Variants in MAPK10 observed in about 807,000 individuals in gnomAD.
MAPK10 encodes the protein mitogen-activated protein kinase 10.
In MAPK10, 25 loss-of-function variants were observed where a neutral mutation model predicts 59.3. The ratio of observed to expected loss-of-function variants is 0.42; its 90% CI spans 0.31 to 0.59. The LOEUF is 0.59. MAPK10 is among the 20% of genes least tolerant of loss of function. MAPK10 has a pLI of 0.15. For synonymous variants in MAPK10, 190 were observed against 200.5 expected (o/e 0.95, Z 0.44); for missense variants, 351 against 568.9 (o/e 0.62, Z 3.90).
intron 2 of MAPK10, among the ~76,000 whole-genome samples, chr4:86,249,334 T>G (rs1055605286): frequency 6.6e-6 from 1 of 152,204 alleles, no homozygotes; most frequent in East Asian, 1.9e-4. Context: ...GATTCTCCTG[T>G]GCAGATTCCT....
At chr4:86,531,667 G>A (rs1176529255) in intron 1 of MAPK10, among the ~76,000 whole-genome samples, 3 of 152,272 alleles carry the variant, frequency 2.0e-5, no homozygotes, top group African/African-American at 7.2e-5. Context: ...ACCACCAGGG[G>A]AAGCATCTCC....
chr4:86,017,403 A>G lies in MAPK10; in HGVS notation c.1253-33T>C, dbSNP rs1743786434. On this transcript the variant is annotated intron_variant, in intron 13 of 13. Coordinates refer to ENST00000641462, the MANE Select transcript of MAPK10 (RefSeq NM_138982.4). This position sits in a 1 kb window ranked among gnomAD's most constrained non-coding sequence, Gnocchi z 4.4. Reference sequence around the variant, plus strand: ...AAGAAAATGAAGACCAACATGACTCAATCTAGAACCAGACCCATCTTAATG... The same window carrying G: ...AAGAAAATGAAGACCAACATGACTCGATCTAGAACCAGACCCATCTTAATG... The G allele has an allele frequency of 1.2e-6, 2 of 1,612,766 alleles. No homozygotes were observed. Among genetic ancestry groups the G allele is most frequent in the Non-Finnish European group, 1.7e-6 (2 of 1,179,262 alleles).
chr4:86,422,716 G>A (rs550819923), intron 1 of MAPK10, among the ~76,000 whole-genome samples: 157 of 152,216 alleles, frequency 1.0e-3, no homozygotes, highest in Middle Eastern at 0.01. Flanking sequence ...AAAACAGACC[G>A]GCAGGCATAG....
At chr4:86,312,161 C>A (rs982525632) in intron 2 of MAPK10, among the ~76,000 whole-genome samples, 11 of 152,092 alleles carry the variant, frequency 7.2e-5, no homozygotes, top group Non-Finnish European at 1.6e-4. Flanking sequence ...TTCATCCTGA[C>A]ACTGGTTATC....
upstream of MAPK10, among the ~76,000 whole-genome samples, chr4:86,360,607 A>T (rs1736749954): frequency 6.6e-6 from 1 of 152,182 alleles, no homozygotes; most frequent in Non-Finnish European, 1.5e-5. Flanking sequence ...ACTAATACTT[A>T]GGTTGCAATC....
chr4:86,357,183 G>A (rs559469758), intron 1 of MAPK10: 1 of 152,158 alleles, frequency 6.6e-6, no homozygotes, highest in Admixed American at 6.6e-5. Context: ...GCAATCATTC[G>A]ATTTGAACAC....
intron 2 of MAPK10, among the ~76,000 whole-genome samples, chr4:86,275,334 A>G (rs2094541807): frequency 6.6e-6 from 1 of 152,082 alleles, no homozygotes; most frequent in African/African-American, 2.4e-5. Flanking sequence ...GAAGATCTCA[A>G]CTCAAAATAA....
At chr4:86,070,932 G>A (rs1049030968) in intron 9 of MAPK10, among the ~76,000 whole-genome samples, 11 of 152,034 alleles carry the variant, frequency 7.2e-5, no homozygotes, top group Non-Finnish European at 7.4e-5. Context: ...GGGTCAAATG[G>A]TATTTCTAGT....
intron 1 of MAPK10, among the ~76,000 whole-genome samples, chr4:86,552,321 T>TA (rs1759857326): frequency 6.6e-6 from 1 of 151,524 alleles, no homozygotes; most frequent in Non-Finnish European, 1.5e-5. Context: ...CTCAGGAGGC[T>TA]AAGGTGGGAG....
At chr4:86,197,645 G>GGAAGTT (rs1291081936) in intron 2 of MAPK10, among the ~76,000 whole-genome samples, 1 of 152,052 alleles carries the variant, frequency 6.6e-6, no homozygotes, top group East Asian at 1.9e-4. Flanking sequence ...GCTTACTATA[G>GGAAGTT]GAAGTTTTCA....
At chr4:86,149,648 G>A (rs1172488868) in intron 4 of MAPK10, among the ~76,000 whole-genome samples, 2 of 152,262 alleles carry the variant, frequency 1.3e-5, no homozygotes, top group African/African-American at 4.8e-5. Flanking sequence ...TGAGAACCTG[G>A]CCATAAGCCA....
At chr4:86,051,335 TA>T (rs1436553672) in intron 11 of MAPK10, among the ~76,000 whole-genome samples, 1 of 151,798 alleles carries the variant, frequency 6.6e-6, no homozygotes, top group Non-Finnish European at 1.5e-5. Context: ...TCCTCACATA[TA>T]ACGAATGCCC....
In MAPK10 at chr4:86,056,988, C is replaced by T. The variant is rs1488864409; in HGVS notation, c.1110+7278G>A. On this transcript the variant is annotated intron_variant, in intron 11 of 13. Coordinates refer to ENST00000641462, the MANE Select transcript of MAPK10 (RefSeq NM_138982.4). The stretch of plus-strand genomic sequence containing the variant: ...TTTATTTTATTTATTTTTTTTAAGA[C>T]GGTCTCACTCTGTCTCCCAGGCTGG... Among the ~76,000 whole-genome samples the T allele has an allele frequency of 1.1e-4, 16 of 147,530 alleles. 2 individuals are homozygous for T. Among genetic ancestry groups the T allele is most frequent in the African/African-American group, 3.3e-4 (13 of 39,070 alleles).
At chr4:86,285,294 T>G (rs2094958645) in intron 2 of MAPK10, among the ~76,000 whole-genome samples, 3 of 151,058 alleles carry the variant, frequency 2.0e-5, no homozygotes, top group Admixed American at 2.0e-4. Flanking sequence ...CTCGGCTCAC[T>G]GCAACCTCTG....
At chr4:86,211,545 T>C (rs549603984) in intron 2 of MAPK10, among the ~76,000 whole-genome samples, 2 of 152,244 alleles carry the variant, frequency 1.3e-5, no homozygotes, top group Admixed American at 1.3e-4. Context: ...AAGAATTCAC[T>C]ACCACTAGAC....
intron 4 of MAPK10, among the ~76,000 whole-genome samples, chr4:86,119,157 ATAACT>A (rs1239310320): frequency 1.3e-5 from 2 of 152,240 alleles, no homozygotes; most frequent in African/African-American, 2.4e-5. Flanking sequence ...CTGAATAATA[ATAACT>A]TAAGTAATAA....
At chr4:86,550,374 T>TAAAAAAAAAAAAAA (rs753508493) in intron 1 of MAPK10, among the ~76,000 whole-genome samples, 5 of 77,394 alleles carry the variant, frequency 6.5e-5, no homozygotes, top group Non-Finnish European at 1.2e-4. Flanking sequence ...GAGCTTCAGT[T>TAAAAAAAAAAAAAA]AAAAAAAAAA....
intron 1 of MAPK10, among the ~76,000 whole-genome samples, chr4:86,534,751 CA>C (rs1450713307): frequency 1.3e-5 from 2 of 151,816 alleles, no homozygotes; most frequent in Non-Finnish European, 2.9e-5. Flanking sequence ...ACTAAAAATA[CA>C]AAAATTAGCC....
At chr4:86,244,635 G>A (rs886608096) in intron 2 of MAPK10, among the ~76,000 whole-genome samples, 4 of 152,108 alleles carry the variant, frequency 2.6e-5, no homozygotes, top group African/African-American at 7.2e-5. Flanking sequence ...ATTGTAAAGT[G>A]GCTTATGATG....
Sources: gnomAD v4.1 joint callset for allele counts (sites outside exome capture counted in the v4.1 genomes callset) on GRCh38, gnomAD v4.1.1 for gene constraint, Gnocchi (gnomAD v3.1) non-coding constraint, MANE v1.5 for transcripts, NCBI Gene and HGNC (gene_info 2026-07-23, HGNC 2026-07-21) for gene names.